The following PALM2AKAP2 variants were observed in gnomAD, a reference collection of about 807,000 sequenced individuals.
PALM2AKAP2 encodes the protein PALM2 and AKAP2 fusion.
A neutral mutation model predicts 71.5 loss-of-function variants in PALM2AKAP2; 37 were observed. The ratio of observed to expected loss-of-function variants is 0.52; its 90% CI spans 0.40 to 0.68. The LOEUF is 0.68. Ranked by LOEUF, PALM2AKAP2 falls within the 30% of genes least tolerant of loss-of-function variation. The probability of loss-of-function intolerance (pLI) is 0.00; values close to 1 mark genes in which losing one functional copy is unlikely to be tolerated. For missense variants in PALM2AKAP2, 1,224 were observed against 1,191.8 expected, an observed-to-expected ratio of 1.03 and a Z score of -0.40; for synonymous variants, 468 against 478.8, an observed-to-expected ratio of 0.98 and a Z score of 0.29.
chr9:109,986,828 T>C (rs1832387559), intron 6 of PALM2AKAP2, among the ~76,000 whole-genome samples: 1 of 152,228 alleles, frequency 6.6e-6, no homozygotes, highest in Non-Finnish European at 1.5e-5. Flanking sequence ...AATCATAGGC[T>C]TGGAATGACT....
chr9:110,089,770 C>G (rs887468520), intron 1 of PALM2AKAP2, among the ~76,000 whole-genome samples: 2 of 152,136 alleles, frequency 1.3e-5, no homozygotes, highest in Non-Finnish European at 2.9e-5. Context: ...TTGTTTGAAC[C>G]AATAGTGTTA....
At chr9:109,942,575 C>T (rs1343046366) in intron 6 of PALM2AKAP2, 13 of 1,168,954 alleles carry the variant, frequency 1.1e-5, no homozygotes, top group Non-Finnish European at 1.3e-5. Context: ...AGATGCTTGG[C>T]AGTTAGAATA....
intron 3 of PALM2AKAP2, among the ~76,000 whole-genome samples, chr9:109,912,090 AG>A (rs1300467205): frequency 1.3e-5 from 2 of 152,130 alleles, no homozygotes; most frequent in African/African-American, 2.4e-5. Flanking sequence ...TGGCTTTGTC[AG>A]GAGCAGTTTG....
intron 1 of PALM2AKAP2, among the ~76,000 whole-genome samples, chr9:109,805,263 G>C (rs1012498556): frequency 3.9e-5 from 6 of 152,326 alleles, no homozygotes; most frequent in Admixed American, 6.5e-5. Context: ...GGCTCTCCCA[G>C]AGAAAACAGG....
chr9:109,923,703 A>C (rs1382239611), intron 3 of PALM2AKAP2, 32 bp from the exon 4 acceptor site: 2 of 1,559,534 alleles, frequency 1.3e-6, no homozygotes, highest in South Asian at 2.5e-5. Flanking sequence ...AGGACAATAA[A>C]GTAACTTGTC....
chr9:109,876,224 C>T (rs556346818), intron 2 of PALM2AKAP2, among the ~76,000 whole-genome samples: 1 of 152,242 alleles, frequency 6.6e-6, no homozygotes, highest in African/African-American at 2.4e-5. Flanking sequence ...TACAAGCTAG[C>T]ACAGTATAGG....
At chr9:110,052,957 A>G (rs1833740797) in intron 1 of PALM2AKAP2, among the ~76,000 whole-genome samples, 1 of 152,210 alleles carries the variant, frequency 6.6e-6, no homozygotes, top group Admixed American at 6.5e-5. Context: ...ATTTTCTTGA[A>G]AGTTAAGTGC....
At position 110,024,681 on chromosome 9, in the gene PALM2AKAP2, G is replaced by A. The variant is rs890757072; in HGVS notation, c.582+8642G>A. Among the ~76,000 whole-genome samples, 6 of 152,064 alleles carry A rather than the reference G, an allele frequency of 3.9e-5. No homozygotes were observed. In the East Asian group the frequency reaches 9.7e-4, roughly 25 times the overall value. On this transcript the variant is annotated intron_variant, in intron 7 of 9. Transcript: ENST00000302798. ...CATCTGTAGTCCCAGCTACATGGGA[G>A]GCTGAGGTGGGAGGCTCACCTGAGT...
chr9:110,048,573 GA>G, upstream of PALM2AKAP2: 1 of 984,920 alleles, frequency 1.0e-6, no homozygotes, highest in Non-Finnish European at 1.4e-6. Context: ...GGAGGGGAGG[GA>G]GGGGCGGTCC....
chr9:109,795,862 G>T (rs1164634733), intron 1 of PALM2AKAP2, among the ~76,000 whole-genome samples: 2 of 152,190 alleles, frequency 1.3e-5, no homozygotes, highest in Non-Finnish European at 2.9e-5. Flanking sequence ...TGAGGAAAGG[G>T]CACCTTTTCT....
intron 1 of PALM2AKAP2, among the ~76,000 whole-genome samples, chr9:109,692,572 T>A (rs1029569119): frequency 6.6e-6 from 1 of 151,930 alleles, no homozygotes; most frequent in Non-Finnish European, 1.5e-5. Flanking sequence ...TAGCTATAGG[T>A]TTTTTATACA....
intron 1 of PALM2AKAP2, among the ~76,000 whole-genome samples, chr9:109,839,201 T>C (rs1244117939): frequency 6.6e-6 from 1 of 152,238 alleles, no homozygotes; most frequent in Non-Finnish European, 1.5e-5. Flanking sequence ...TCAAGTGGGC[T>C]TCATCCCTGG....
intron 1 of PALM2AKAP2, among the ~76,000 whole-genome samples, chr9:110,088,072 C>A (rs541430400): frequency 6.6e-6 from 1 of 152,008 alleles, no homozygotes; most frequent in Non-Finnish European, 1.5e-5. Flanking sequence ...AATGCACAAA[C>A]AAAGGAAGGA....
chr9:109,795,149 C>G (rs1827216971), intron 1 of PALM2AKAP2, among the ~76,000 whole-genome samples: 1 of 152,164 alleles, frequency 6.6e-6, no homozygotes, highest in South Asian at 2.1e-4. Flanking sequence ...TAGTGGCATC[C>G]TTGGTCTCTA....
intron 1 of PALM2AKAP2, among the ~76,000 whole-genome samples, chr9:109,710,916 C>T (rs1828224753): frequency 6.6e-6 from 1 of 152,148 alleles, no homozygotes; most frequent in Admixed American, 6.5e-5. Context: ...GCAGGAGCTA[C>T]AGTTTATAAA....
intron 1 of PALM2AKAP2, among the ~76,000 whole-genome samples, chr9:109,680,186 T>C (rs61588995): frequency 0.082 from 12,547 of 152,260 alleles, 583 homozygotes; most frequent in African/African-American, 0.096. Flanking sequence ...CCACCTAGGA[T>C]ATATATGGTT....
chr9:109,732,789 T>G (rs1239311739), intron 1 of PALM2AKAP2, among the ~76,000 whole-genome samples: 1 of 152,042 alleles, frequency 6.6e-6, no homozygotes, highest in Non-Finnish European at 1.5e-5. Context: ...AGGGAGAAGG[T>G]CTCCCTTTCA....
chr9:109,899,395 AG>A (rs1830279321), intron 3 of PALM2AKAP2, among the ~76,000 whole-genome samples: 1 of 152,160 alleles, frequency 6.6e-6, no homozygotes, highest in Non-Finnish European at 1.5e-5. Context: ...CTTCCATGAC[AG>A]TAGTCCAGGC....
intron 7 of PALM2AKAP2, 53 bp downstream of exon 7, chr9:110,016,092 A>C (rs1564261606): frequency 6.4e-7 from 1 of 1,556,600 alleles, no homozygotes; most frequent in East Asian, 2.3e-5. Flanking sequence ...GAGTAAAGGC[A>C]GCCGATGGCA....
Sources: allele counts gnomAD v4.1 joint callset (sites outside exome capture counted in the v4.1 genomes callset), GRCh38; gene constraint gnomAD v4.1.1; transcripts MANE v1.5; gene names NCBI Gene and HGNC (gene_info 2026-07-23, HGNC 2026-07-21).